MPZL1: variants seen among roughly 807,000 people sequenced by gnomAD.
The protein encoded by MPZL1 is myelin protein zero-like protein 1.
In MPZL1, 16 loss-of-function variants were observed where a neutral mutation model predicts 29.3. The ratio of observed to expected loss-of-function variants is 0.55; its 90% CI spans 0.37 to 0.83. MPZL1 has a LOEUF of 0.83. Ranked by LOEUF, MPZL1 falls within the 40% of genes least tolerant of loss-of-function variation. The probability of loss-of-function intolerance (pLI) is 0.00; values close to 1 mark genes in which losing one functional copy is unlikely to be tolerated. For synonymous variants in MPZL1, 143 were observed against 132.0 expected (o/e 1.08, Z -0.57); for missense variants, 279 against 332.9 (o/e 0.84, Z 1.26).
At chr1:167,762,452 G>A (rs765920272) in intron 1 of MPZL1, among the ~76,000 whole-genome samples, 8 of 152,180 alleles carry the variant, frequency 5.3e-5, no homozygotes, top group Admixed American at 1.3e-4. Context: ...GAAGATTTAT[G>A]GACAGAAAAA....
At chr1:167,748,172 A>G (rs1042873668) in intron 1 of MPZL1, among the ~76,000 whole-genome samples, 3 of 152,186 alleles carry the variant, frequency 2.0e-5, no homozygotes, top group African/African-American at 7.2e-5. Context: ...TAGGATTGCT[A>G]TTGCTGAGTC....
At chr1:167,757,783 G>C (rs1331368474) in intron 1 of MPZL1, among the ~76,000 whole-genome samples, 1 of 152,170 alleles carries the variant, frequency 6.6e-6, no homozygotes, top group Non-Finnish European at 1.5e-5. Flanking sequence ...TAACATCAAA[G>C]TGCTTAAAAA....
Position 167,764,655 on chromosome 1 carries a change from G to A in MPZL1, c.92-928G>A, listed in dbSNP as rs115091298. ...AAAAGTTCAGTGTGATAACAATTGC[G>A]TAACAGATAAGCATGAGAACTACTT... On this transcript the variant is annotated intron_variant, in intron 1 of 5. Coordinates refer to ENST00000359523, the MANE Select transcript of MPZL1 (RefSeq NM_003953.6). 3.2e-3 allele frequency among the ~76,000 whole-genome samples: 485 copies of A among 152,150 alleles called. 4 individuals are homozygous for A. Among genetic ancestry groups the A allele is most frequent in the African/African-American group, 0.011 (470 of 41,510 alleles).
At chr1:167,779,990 T>C (rs1661460864) in intron 5 of MPZL1, among the ~76,000 whole-genome samples, 1 of 152,208 alleles carries the variant, frequency 6.6e-6, no homozygotes, top group Non-Finnish European at 1.5e-5. Flanking sequence ...GATAAAGCGA[T>C]CTACTTACAA....
At chr1:167,747,375 C>G (rs1273196299) in intron 1 of MPZL1, among the ~76,000 whole-genome samples, 1 of 152,092 alleles carries the variant, frequency 6.6e-6, no homozygotes, top group Non-Finnish European at 1.5e-5. Flanking sequence ...CATGAGCCAC[C>G]ATGCCTGGCA....
intron 5 of MPZL1, among the ~76,000 whole-genome samples, chr1:167,783,076 T>A (rs1204097627): frequency 6.6e-6 from 1 of 152,226 alleles, no homozygotes; most frequent in East Asian, 1.9e-4. Flanking sequence ...GGATTCCCAG[T>A]TGGAAATCAT....
rs1241992608 is a variant in MPZL1, at chr1:167,789,198, A to G, written c.*1277A>G. 2 of 152,092 alleles carry G rather than the reference A, an allele frequency of 1.3e-5. No individual in the cohort carries two copies. Among genetic ancestry groups the G allele is most frequent in the Admixed American group, 6.5e-5 (1 of 15,274 alleles). 9.4% of individuals were successfully genotyped at this position (152,092 alleles called of 1,614,324 possible). On this transcript the variant is annotated 3_prime_UTR_variant, in exon 6 of 6. Coordinates refer to ENST00000359523, the MANE Select transcript of MPZL1 (RefSeq NM_003953.6). ...TTCACTACTCCCCACCGCACTTAAAATCTATGAGTTTTTACTTTTTACTGG... is the reference window on the plus strand; with the variant it reads ...TTCACTACTCCCCACCGCACTTAAAGTCTATGAGTTTTTACTTTTTACTGG...
intron 1 of MPZL1, among the ~76,000 whole-genome samples, chr1:167,724,681 C>G (rs146697326): frequency 1.5e-3 from 222 of 152,200 alleles, no homozygotes; most frequent in Non-Finnish European, 2.7e-3. Context: ...GATGGAGATA[C>G]TTTTGAATAT....
At chr1:167,754,453 C>A (rs1660826333) in intron 1 of MPZL1, among the ~76,000 whole-genome samples, 3 of 152,196 alleles carry the variant, frequency 2.0e-5, no homozygotes. Flanking sequence ...GTCCTGTTAA[C>A]TCAGGCTGCC....
At chr1:167,736,024 A>G (rs1271215419) in intron 1 of MPZL1, among the ~76,000 whole-genome samples, 4 of 152,200 alleles carry the variant, frequency 2.6e-5, no homozygotes. Flanking sequence ...GATAAAGGCC[A>G]TCTGATATTA....
At chr1:167,748,407 A>G (rs1043783591) in intron 1 of MPZL1, among the ~76,000 whole-genome samples, 4 of 152,172 alleles carry the variant, frequency 2.6e-5, no homozygotes, top group Non-Finnish European at 5.9e-5. Flanking sequence ...ATCCTTGAGC[A>G]CCATTAAGTG....
chr1:167,761,394 G>A (rs1660984707), intron 1 of MPZL1, among the ~76,000 whole-genome samples: 2 of 152,240 alleles, frequency 1.3e-5, no homozygotes, highest in African/African-American at 2.4e-5. Context: ...GAGATGCAAT[G>A]TGCAGTGGAG....
chr1:167,782,359 G>T (rs148013185), intron 5 of MPZL1, among the ~76,000 whole-genome samples: 1 of 151,908 alleles, frequency 6.6e-6, no homozygotes, highest in Non-Finnish European at 1.5e-5. Flanking sequence ...ATCTGACTAC[G>T]GTTTTTGTTT....
intron 1 of MPZL1, among the ~76,000 whole-genome samples, chr1:167,756,499 T>G (rs1368874020): frequency 3.4e-5 from 5 of 149,046 alleles, no homozygotes; most frequent in Non-Finnish European, 7.4e-5. Context: ...GGGGTGATTC[T>G]CTCACACAGA....
rs147284960 is a variant in MPZL1, at chr1:167,722,818, A to G, written c.91+576A>G. ...CATTTCCGTGGTCTGCAAAACGCCAATAAAAAAATATTGTTACTTCTAGGT... is the reference window on the plus strand; with the variant it reads ...CATTTCCGTGGTCTGCAAAACGCCAGTAAAAAAATATTGTTACTTCTAGGT... On this transcript the variant is annotated intron_variant, in intron 1 of 5. Transcript: ENST00000359523. 4.3e-3 allele frequency among the ~76,000 whole-genome samples: 661 copies of G among 152,318 alleles called. 2 individuals carry two copies. Among genetic ancestry groups the G allele is most frequent in the African/African-American group, 0.013 (540 of 41,566 alleles).
At chr1:167,735,036 T>C (rs1660348551) in intron 1 of MPZL1, among the ~76,000 whole-genome samples, 1 of 152,234 alleles carries the variant, frequency 6.6e-6, no homozygotes, top group Non-Finnish European at 1.5e-5. Context: ...TTTCAGCAAT[T>C]TCAGCTCTAT....
intron 1 of MPZL1, among the ~76,000 whole-genome samples, chr1:167,750,169 TTTTTCTTTTCTTTTCTTTTTCC>T (rs1185830180): frequency 6.6e-5 from 10 of 152,122 alleles, no homozygotes; most frequent in African/African-American, 2.2e-4. Context: ...TTCACCCAGG[TTTTTCTTTTCTTTTCTTTTTCC>T]TTTTCTTTTC....
At chr1:167,724,765 T>C (rs919234458) in intron 1 of MPZL1, among the ~76,000 whole-genome samples, 13 of 152,020 alleles carry the variant, frequency 8.6e-5, no homozygotes, top group Admixed American at 8.5e-4. Context: ...GTTCTGGAGG[T>C]GAGGAGAAAG....
rs141738071 is a variant in MPZL1 at position 167,763,253 on chromosome 1, G to A, written c.92-2330G>A. Among the ~76,000 whole-genome samples, 756 of 152,252 alleles carry A rather than the reference G, an allele frequency of 5.0e-3. 6 individuals carry two copies. Among genetic ancestry groups the A allele is most frequent in the African/African-American group, 0.017 (703 of 41,544 alleles). On this transcript the variant is annotated intron_variant, in intron 1 of 5. Transcript: ENST00000359523. ...AAGAAGGCTGGGTGCGGTGGCTCACGCCTGTAATCCCAGCACTTTGGGGGG... is the reference window on the plus strand; with the variant it reads ...AAGAAGGCTGGGTGCGGTGGCTCACACCTGTAATCCCAGCACTTTGGGGGG...
Sources: allele counts gnomAD v4.1 joint callset (sites outside exome capture counted in the v4.1 genomes callset), GRCh38; gene constraint gnomAD v4.1.1; transcripts MANE v1.5; gene names NCBI Gene and HGNC (gene_info 2026-07-23, HGNC 2026-07-21).